Variants in MACROD2 observed in about 807,000 individuals in gnomAD.
The protein encoded by MACROD2 is ADP-ribose glycohydrolase MACROD2.
In MACROD2, 36 loss-of-function variants were observed where a neutral mutation model predicts 70.4. That is an observed-to-expected ratio of 0.51 (90% CI 0.39 to 0.68). The LOEUF is 0.68. MACROD2 is among the 30% of genes least tolerant of loss of function. The pLI, the probability that MACROD2 is intolerant of heterozygous loss-of-function variation, is 0.00. For synonymous variants in MACROD2, 172 were observed against 178.8 expected (o/e 0.96, Z 0.30); for missense variants, 496 against 538.4 (o/e 0.92, Z 0.78).
intron 4 of MACROD2, among the ~76,000 whole-genome samples, chr20:14,656,522 G>T (rs1985986150): frequency 6.6e-6 from 1 of 152,140 alleles, no homozygotes; most frequent in Non-Finnish European, 1.5e-5. Context: ...TATGATATAG[G>T]TTAGCTGGTT....
intron 6 of MACROD2, among the ~76,000 whole-genome samples, chr20:15,335,826 G>A (rs2078042121): frequency 6.6e-6 from 1 of 151,632 alleles, no homozygotes; most frequent in Admixed American, 6.6e-5. Flanking sequence ...AGTTGTTGAT[G>A]CCAAGCCCAA....
intron 5 of MACROD2, among the ~76,000 whole-genome samples, chr20:15,220,475 G>A (rs947319944): frequency 6.6e-6 from 1 of 152,196 alleles, no homozygotes; most frequent in Admixed American, 6.5e-5. Context: ...AAGAATCTTG[G>A]GACATAGGTA....
intron 4 of MACROD2, among the ~76,000 whole-genome samples, chr20:14,655,790 A>G (rs1436162045): frequency 2.0e-5 from 3 of 152,150 alleles, no homozygotes; most frequent in African/African-American, 7.2e-5. Context: ...AACTCTATGG[A>G]CCTACTTTTA....
intron 4 of MACROD2, among the ~76,000 whole-genome samples, chr20:14,569,925 C>T (rs934524037): frequency 6.6e-6 from 1 of 151,946 alleles, no homozygotes; most frequent in Non-Finnish European, 1.5e-5. Context: ...GATTCTTTTC[C>T]TCTGCTGTTG....
chr20:14,503,057 A>G (rs1397637746), intron 4 of MACROD2, among the ~76,000 whole-genome samples: 1 of 152,200 alleles, frequency 6.6e-6, no homozygotes, highest in East Asian at 1.9e-4. Flanking sequence ...TGATGAGGCC[A>G]TCTCTTAAGG....
chr20:15,968,219 G>A (rs2066172201), intron 13 of MACROD2, among the ~76,000 whole-genome samples: 1 of 152,132 alleles, frequency 6.6e-6, no homozygotes, highest in African/African-American at 2.4e-5. Flanking sequence ...GTCAAAATCA[G>A]GTAGTGATTA....
intron 3 of MACROD2, among the ~76,000 whole-genome samples, chr20:14,185,645 A>G (rs544492967): frequency 1.3e-5 from 2 of 152,166 alleles, no homozygotes; most frequent in Non-Finnish European, 2.9e-5. Flanking sequence ...TATAAAATGC[A>G]AAGGTCTGTA....
chr20:14,137,072 G>A (rs529908141), intron 3 of MACROD2, among the ~76,000 whole-genome samples: 92 of 152,214 alleles, frequency 6.0e-4, no homozygotes, highest in African/African-American at 2.2e-3. Flanking sequence ...CTACAAAAAG[G>A]GGATATACAG....
chr20:14,387,928 G>A (rs2083485712), intron 3 of MACROD2, among the ~76,000 whole-genome samples: 1 of 151,938 alleles, frequency 6.6e-6, no homozygotes. Flanking sequence ...CGTCATCTGT[G>A]ACATAATTCT....
chr20:15,233,983 T>TATATATATATA (rs2076984620), intron 6 of MACROD2, among the ~76,000 whole-genome samples: 25 of 43,998 alleles, frequency 5.7e-4, no homozygotes, highest in African/African-American at 2.3e-3. Flanking sequence ...ATATATTTAT[T>TATATATATATA]TATATATATA....
chr20:15,951,768 G>GT (rs2065909232), intron 12 of MACROD2, among the ~76,000 whole-genome samples: 2 of 152,168 alleles, frequency 1.3e-5, no homozygotes, highest in South Asian at 4.1e-4. Flanking sequence ...AAGATCTATG[G>GT]TTTTCAAAAA....
intron 2 of MACROD2, among the ~76,000 whole-genome samples, chr20:14,070,042 C>G (rs1219542876): frequency 6.6e-6 from 1 of 152,032 alleles, no homozygotes; most frequent in Non-Finnish European, 1.5e-5. Context: ...GCCTTAGTCA[C>G]CCCACCAGCT....
At chr20:15,733,943 G>T (rs1398917955) in intron 8 of MACROD2, among the ~76,000 whole-genome samples, 1 of 152,164 alleles carries the variant, frequency 6.6e-6, no homozygotes, top group Non-Finnish European at 1.5e-5. Flanking sequence ...TTTATGGAGA[G>T]TTGTGTGGTC....
chr20:15,068,767 G>A (rs2075596961), intron 5 of MACROD2, among the ~76,000 whole-genome samples: 1 of 152,126 alleles, frequency 6.6e-6, no homozygotes, highest in Non-Finnish European at 1.5e-5. Flanking sequence ...AAATTACCCA[G>A]CCTTAGGCAT....
At chr20:15,194,543 A>T (rs1392310987) in intron 5 of MACROD2, among the ~76,000 whole-genome samples, 1 of 152,208 alleles carries the variant, frequency 6.6e-6, no homozygotes, top group East Asian at 1.9e-4. Context: ...TATCTTTACC[A>T]TGTTTTTTAA....
chr20:14,803,626 G>A (rs2072603979), intron 5 of MACROD2, among the ~76,000 whole-genome samples: 1 of 151,944 alleles, frequency 6.6e-6, no homozygotes, highest in South Asian at 2.1e-4. Context: ...GATTACAGGT[G>A]TGCACCACCA....
At chr20:15,258,325 C>CA (rs2146039626) in intron 6 of MACROD2, among the ~76,000 whole-genome samples, 1 of 152,192 alleles carries the variant, frequency 6.6e-6, no homozygotes, top group South Asian at 2.1e-4. Context: ...CACACTCACT[C>CA]ACCACTCACT....
chr20:15,149,141 G>A (rs2076251058), intron 5 of MACROD2, among the ~76,000 whole-genome samples: 1 of 152,022 alleles, frequency 6.6e-6, no homozygotes, highest in Non-Finnish European at 1.5e-5. Flanking sequence ...AGTCCTGGGT[G>A]GAGGCAAATC....
chr20:15,305,431 GC>G (rs2077688328), intron 6 of MACROD2, among the ~76,000 whole-genome samples: 1 of 152,128 alleles, frequency 6.6e-6, no homozygotes, highest in South Asian at 2.1e-4. Flanking sequence ...TGCTAACTAA[GC>G]AACAGTTAAG....
Sources: gnomAD v4.1 joint callset for allele counts (sites outside exome capture counted in the v4.1 genomes callset) on GRCh38, gnomAD v4.1.1 for gene constraint, MANE v1.5 for transcripts, NCBI Gene and HGNC (gene_info 2026-07-23, HGNC 2026-07-21) for gene names.